Variants in TP63 observed in about 807,000 individuals in gnomAD.
The protein encoded by TP63 is tumor protein 63.
A neutral mutation model predicts 82.8 loss-of-function variants in TP63; 17 were observed. The observed-to-expected ratio is 0.21, with a 90% CI of 0.14 to 0.31. The LOEUF (loss-of-function observed/expected upper bound fraction) is 0.31, where lower values mean the gene tolerates loss of function less well. Ranked by LOEUF, TP63 falls within the 10% of genes least tolerant of loss-of-function variation. TP63 has a pLI of 1.00. For synonymous variants in TP63, 330 were observed against 321.7 expected, an observed-to-expected ratio of 1.03 and a Z score of -0.28; for missense variants, 648 against 895.3, an observed-to-expected ratio of 0.72 and a Z score of 3.52.
intron 10 of TP63, among the ~76,000 whole-genome samples, chr3:189,878,722 C>T (rs1022248382): frequency 6.7e-6 from 1 of 149,866 alleles, no homozygotes; most frequent in Non-Finnish European, 1.5e-5. Flanking sequence ...GCCACCGCGC[C>T]CAGCCTACAG....
chr3:189,701,216 T>G (rs1464305030), intron 1 of TP63, among the ~76,000 whole-genome samples: 1 of 152,106 alleles, frequency 6.6e-6, no homozygotes, highest in Non-Finnish European at 1.5e-5. Flanking sequence ...AGCGTGAGAA[T>G]GGACTAATAG....
intron 1 of TP63, among the ~76,000 whole-genome samples, chr3:189,681,817 C>G (rs1715928736): frequency 6.6e-6 from 1 of 152,166 alleles, no homozygotes; most frequent in East Asian, 1.9e-4. Flanking sequence ...CTCTCCTCAT[C>G]AAGAAATGAC....
intron 1 of TP63, among the ~76,000 whole-genome samples, chr3:189,666,811 A>G (rs1177872703): frequency 6.6e-6 from 1 of 152,076 alleles, no homozygotes. Context: ...AATGAGTATA[A>G]TACTATCACT....
chr3:189,894,216 G>T lies in TP63; in HGVS notation c.1757G>T (p.Ser586Ile). 1 of 1,614,112 alleles carries T rather than the reference G, an allele frequency of 6.2e-7. No homozygotes were observed. Among genetic ancestry groups the T allele is most frequent in the Non-Finnish European group, 8.5e-7 (1 of 1,180,018 alleles). ...TCCCCTGTTGCACAGGATCTGGCAA[G>T]TCTGAAAATCCCTGAGCAATTTCGA... ...IEHYSMDDLASLKIPEQFRHA... is the reference protein window; with the variant it reads ...IEHYSMDDLAILKIPEQFRHA... Residue 586 changes from serine (S) to isoleucine (I), a missense_variant, in exon 14 of 14, where the codon AGT becomes ATT. By Grantham distance (142) the Ser-to-Ile change is moderately radical. Transcript: ENST00000264731.
In TP63 at chr3:189,661,017, G is replaced by T. The variant is rs570037231; in HGVS notation, c.62+29440G>T. Among the ~76,000 whole-genome samples, 4 of 152,044 alleles carry T rather than the reference G, an allele frequency of 2.6e-5. No homozygotes were observed. The East Asian group carries it at 7.7e-4, about 29-fold the overall frequency. On this transcript the variant is annotated intron_variant, in intron 1 of 13. Coordinates refer to ENST00000264731, the MANE Select transcript of TP63 (RefSeq NM_003722.5). Reference sequence around the variant, plus strand: ...GTTTTCTAGGTGTAAAATCATATCAGCAAAGAGAGACTTTGACTTCTTCCT... The same window carrying T: ...GTTTTCTAGGTGTAAAATCATATCATCAAAGAGAGACTTTGACTTCTTCCT...
chr3:189,881,261 A>C, intron 10 of TP63: 2 of 985,352 alleles, frequency 2.0e-6, no homozygotes, highest in Non-Finnish European at 2.4e-6. Flanking sequence ...GAAAGGGTAG[A>C]CTACTTTTCT....
At chr3:189,707,202 A>G (rs1248310731) in intron 1 of TP63, among the ~76,000 whole-genome samples, 1 of 152,182 alleles carries the variant, frequency 6.6e-6, no homozygotes, top group African/African-American at 2.4e-5. Context: ...CAAATTAAAC[A>G]TTTCTATTTT....
intron 4 of TP63, among the ~76,000 whole-genome samples, chr3:189,860,464 T>TA (rs1387430362): frequency 6.6e-6 from 1 of 151,512 alleles, no homozygotes; most frequent in East Asian, 1.9e-4. Flanking sequence ...TAGTACTGGG[T>TA]AAAAAAAATA....
chr3:189,639,673 AC>A (rs1007094752), intron 1 of TP63, among the ~76,000 whole-genome samples: 5 of 152,130 alleles, frequency 3.3e-5, no homozygotes, highest in Non-Finnish European at 7.4e-5. Flanking sequence ...TGAGGGCAAA[AC>A]CAGCATCATC....
intron 4 of TP63, among the ~76,000 whole-genome samples, chr3:189,814,789 G>T (rs1224756004): frequency 6.6e-6 from 1 of 152,172 alleles, no homozygotes; most frequent in African/African-American, 2.4e-5. Flanking sequence ...CTGAGTTTTA[G>T]ATTGACTCTA....
chr3:189,864,310 C>G lies in TP63; in HGVS notation c.658C>G (p.Pro220Ala), dbSNP rs754080925. ...PIQIKVMTPP[P>A]QGAVIRAMPV... is the part of the protein sequence containing the mutation. ...CCAGATCAAGGTGATGACCCCACCTCCTCAGGGAGCTGTTATCCGCGCCAT... is the reference window on the plus strand; with the variant it reads ...CCAGATCAAGGTGATGACCCCACCTGCTCAGGGAGCTGTTATCCGCGCCAT... The change falls in exon 5 of 14, where the codon CCT becomes GCT. Residue 220 changes from proline (P) to alanine (A), a missense_variant. Physicochemically the swap from Pro to Ala is conservative, Grantham distance 27 (BLOSUM62 -1). This residue lies in a region of TP63 where 64 missense variants were observed against 144.2 expected (regional missense o/e 0.44). Coordinates refer to ENST00000264731, the MANE Select transcript of TP63 (RefSeq NM_003722.5). 1.2e-6 allele frequency: 2 copies of G among 1,614,208 alleles called. No individual in the cohort carries two copies. Among genetic ancestry groups the G allele is most frequent in the Non-Finnish European group, 8.5e-7 (1 of 1,180,036 alleles).
intron 4 of TP63, among the ~76,000 whole-genome samples, chr3:189,850,662 G>A (rs888046916): frequency 1.1e-4 from 16 of 152,156 alleles, no homozygotes; most frequent in African/African-American, 3.6e-4. Context: ...CACCAACATG[G>A]CACATGTATA....
chr3:189,829,502 G>A (rs1711970341), intron 4 of TP63, among the ~76,000 whole-genome samples: 1 of 152,264 alleles, frequency 6.6e-6, no homozygotes, highest in Non-Finnish European at 1.5e-5. Flanking sequence ...AGAACAGCAC[G>A]TGTTATTTTA....
chr3:189,837,534 A>G (rs1160425678), intron 4 of TP63, among the ~76,000 whole-genome samples: 2 of 152,324 alleles, frequency 1.3e-5, no homozygotes, highest in South Asian at 2.1e-4. Context: ...TTCTAGCTAG[A>G]GTTGCCAGAT....
At chr3:189,653,131 T>TC (rs1266695820) in intron 1 of TP63, among the ~76,000 whole-genome samples, 1 of 152,108 alleles carries the variant, frequency 6.6e-6, no homozygotes, top group African/African-American at 2.4e-5. Flanking sequence ...AATGGAGAAT[T>TC]TAATAGCATG....
intron 3 of TP63, among the ~76,000 whole-genome samples, chr3:189,772,965 C>T (rs897241980): frequency 6.6e-6 from 1 of 152,114 alleles, no homozygotes; most frequent in Non-Finnish European, 1.5e-5. Context: ...CATCAAGGTC[C>T]CTTAGTGTAA....
intron 3 of TP63, among the ~76,000 whole-genome samples, chr3:189,755,272 A>C (rs1484267420): frequency 6.6e-6 from 1 of 152,134 alleles, no homozygotes; most frequent in Non-Finnish European, 1.5e-5. Flanking sequence ...GAGGAAGGTA[A>C]ATATGTATTT....
chr3:189,757,233 G>A (rs964754369), intron 3 of TP63, among the ~76,000 whole-genome samples: 2 of 152,144 alleles, frequency 1.3e-5, no homozygotes, highest in South Asian at 4.1e-4. Flanking sequence ...GAAAACCAGG[G>A]CTACACCCAA....
chr3:189,624,865 C>T, the TP63 span, among the ~76,000 whole-genome samples: 2 of 151,960 alleles, frequency 1.3e-5, no homozygotes, highest in Non-Finnish European at 2.9e-5. Context: ...AGGAGGTGTG[C>T]TCTTGGAAGC....
Sources: allele counts gnomAD v4.1 joint callset (sites outside exome capture counted in the v4.1 genomes callset), GRCh38; gene constraint gnomAD v4.1.1; regional missense constraint gnomAD v4.1.1; transcripts MANE v1.5; gene names NCBI Gene and HGNC (gene_info 2026-07-23, HGNC 2026-07-21).